The following XYLT1 variants were observed in gnomAD, a reference collection of about 807,000 sequenced individuals.
XYLT1 encodes beta-D-xylosyltransferase 1.
Under a neutral mutation model 91.3 loss-of-function variants are expected in XYLT1, and 36 were observed. The observed-to-expected ratio is 0.39, with a 90% CI of 0.30 to 0.52. The LOEUF is 0.52. XYLT1 is among the 20% of genes least tolerant of loss of function. The pLI is 0.68. For synonymous variants in XYLT1, 588 were observed against 532.0 expected (o/e 1.11, Z -1.45); for missense variants, 1,242 against 1,284.5 (o/e 0.97, Z 0.51).
chr16:17,232,429 G>GTATATATA (rs144659961), intron 3 of XYLT1, among the ~76,000 whole-genome samples: 42 of 121,708 alleles, frequency 3.5e-4, no homozygotes, highest in Non-Finnish European at 1.2e-4. Flanking sequence ...GTGTGTGTGT[G>GTATATATA]TATATATATA....
intron 1 of XYLT1, among the ~76,000 whole-genome samples, chr16:17,463,532 C>T (rs1020766175): frequency 2.0e-5 from 3 of 152,202 alleles, no homozygotes; most frequent in African/African-American, 7.2e-5. Context: ...TATCATCTCA[C>T]CCCACCTGAA....
At chr16:17,110,408 G>C (rs1234591802) in intron 11 of XYLT1, among the ~76,000 whole-genome samples, 2 of 152,206 alleles carry the variant, frequency 1.3e-5, no homozygotes, top group East Asian at 1.9e-4. Flanking sequence ...TCTTGTGATA[G>C]TGAATAAGTA....
chr16:17,314,620 C>T (rs2034597979), intron 2 of XYLT1, among the ~76,000 whole-genome samples: 1 of 152,204 alleles, frequency 6.6e-6, no homozygotes, highest in Non-Finnish European at 1.5e-5. Context: ...TATCCCCTCC[C>T]ATTCCAGGAA....
intron 1 of XYLT1, among the ~76,000 whole-genome samples, chr16:17,413,243 A>G (rs1170968359): frequency 6.6e-6 from 1 of 152,168 alleles, no homozygotes; most frequent in Non-Finnish European, 1.5e-5. Context: ...GCATGCATCA[A>G]TGCCACACAC....
intron 3 of XYLT1, among the ~76,000 whole-genome samples, chr16:17,245,496 A>G (rs916379619): frequency 9.9e-5 from 15 of 152,240 alleles, no homozygotes; most frequent in Non-Finnish European, 1.3e-4. Context: ...TTCGCCATTA[A>G]GAGTTTATCA....
intron 1 of XYLT1, among the ~76,000 whole-genome samples, chr16:17,393,279 C>T (rs1479332567): frequency 1.3e-5 from 2 of 152,196 alleles, no homozygotes; most frequent in African/African-American, 4.8e-5. Flanking sequence ...GTGTATTTTA[C>T]ATGACGGCAT....
intron 1 of XYLT1, among the ~76,000 whole-genome samples, chr16:17,365,463 A>G (rs1439528304): frequency 2.0e-5 from 3 of 152,172 alleles, no homozygotes; most frequent in Non-Finnish European, 4.4e-5. Flanking sequence ...GCAGGCCAGA[A>G]TCACACAGCC....
At position 17,108,723 on chromosome 16, in the gene XYLT1, G is replaced by A; in HGVS notation, c.2852C>T (p.Ala951Val). 2 of 1,588,552 alleles carry A rather than the reference G, an allele frequency of 1.3e-6. No individual in the cohort carries two copies. The highest frequency in any genetic ancestry group is 1.7e-6 in the Non-Finnish European group (2 of 1,168,906). The change falls in exon 12 of 12, where the codon GCA (alanine) becomes GTA (valine). Residue 951 changes from alanine (A) to valine (V), a missense_variant. By Grantham distance (64) the Ala-to-Val change is moderately conservative (BLOSUM62 0). Coordinates refer to ENST00000261381, the MANE Select transcript of XYLT1 (RefSeq NM_022166.4). ...FSPDPKSELG[A>V]VKPDGRLR ...CCTGAGCCGGCCATCAGGTTTGACTGCCCCCAGCTCCGACTTGGGGTCAGG... is the reference window on the plus strand; with the variant it reads ...CCTGAGCCGGCCATCAGGTTTGACTACCCCCAGCTCCGACTTGGGGTCAGG...
intron 1 of XYLT1, among the ~76,000 whole-genome samples, chr16:17,452,169 G>A (rs1224377578): frequency 2.6e-5 from 4 of 152,076 alleles, no homozygotes; most frequent in Admixed American, 2.0e-4. Flanking sequence ...AACGAAATTA[G>A]CACTTTGTAT....
intron 5 of XYLT1, among the ~76,000 whole-genome samples, chr16:17,172,874 G>T (rs76688590): frequency 3.9e-5 from 6 of 152,068 alleles, no homozygotes; most frequent in Non-Finnish European, 8.8e-5. Context: ...ATTTAAGCCC[G>T]GGTTTTATTT....
chr16:17,339,113 C>A (rs187380432), intron 2 of XYLT1, among the ~76,000 whole-genome samples: 1 of 152,262 alleles, frequency 6.6e-6, no homozygotes, highest in South Asian at 2.1e-4. Flanking sequence ...TGAGTATATA[C>A]CCTGTGATGA....
At chr16:17,146,216 C>G (rs1360385425) in intron 6 of XYLT1, among the ~76,000 whole-genome samples, 1 of 151,700 alleles carries the variant, frequency 6.6e-6, no homozygotes, top group Non-Finnish European at 1.5e-5. Context: ...GAAAACCCAC[C>G]TCTAGACATT....
intron 1 of XYLT1, among the ~76,000 whole-genome samples, chr16:17,442,461 T>C (rs766871116): frequency 6.6e-6 from 1 of 151,732 alleles, no homozygotes. Context: ...CCCAGATATT[T>C]GGTCATTCTT....
chr16:17,127,662 T>C lies in XYLT1; in HGVS notation c.2223+4A>G. 1 of 1,612,990 alleles carries C rather than the reference T, an allele frequency of 6.2e-7. No homozygotes were observed. Among genetic ancestry groups the C allele is most frequent in the Non-Finnish European group, 8.5e-7 (1 of 1,179,584 alleles). On this transcript the variant is annotated splice_donor_region_variant and intron_variant, in intron 10 of 11. Coordinates refer to ENST00000261381, the MANE Select transcript of XYLT1 (RefSeq NM_022166.4). ...ATGAAATGTGACAAGACCTGGCCTC[T>C]TACCTCGGAAAACTGAAGCCTCCCA...
At chr16:17,204,126 A>C (rs929942556) in intron 3 of XYLT1, among the ~76,000 whole-genome samples, 1 of 152,198 alleles carries the variant, frequency 6.6e-6, no homozygotes, top group Non-Finnish European at 1.5e-5. Flanking sequence ...GCCAGCCCTG[A>C]TATTTCCACT....
chr16:17,192,738 G>A (rs568909441), intron 5 of XYLT1: 1 of 151,216 alleles, frequency 6.6e-6, no homozygotes, highest in East Asian at 1.9e-4. Flanking sequence ...TATTCTTCAT[G>A]TCCACAAGTG....
chr16:17,154,362 G>A (rs1044177917), intron 6 of XYLT1, among the ~76,000 whole-genome samples: 3 of 151,412 alleles, frequency 2.0e-5, no homozygotes, highest in Admixed American at 2.0e-4. Flanking sequence ...ATGAAGTGGA[G>A]AAATTAGATC....
chr16:17,200,379 G>A, intron 4 of XYLT1, 103 bp downstream of exon 4: 1 of 1,450,358 alleles, frequency 6.9e-7, no homozygotes, highest in South Asian at 1.3e-5. Context: ...AGCCTTTTCT[G>A]AAAGCAGGCA....
chr16:17,210,079 A>G (rs1056691946), intron 3 of XYLT1, among the ~76,000 whole-genome samples: 28 of 152,076 alleles, frequency 1.8e-4, no homozygotes, highest in African/African-American at 6.8e-4. Context: ...ATATTTGTAG[A>G]GACCAGGTCT....
Sources: allele counts gnomAD v4.1 joint callset (sites outside exome capture counted in the v4.1 genomes callset), GRCh38; gene constraint gnomAD v4.1.1; transcripts MANE v1.5; gene names NCBI Gene and HGNC (gene_info 2026-07-23, HGNC 2026-07-21).